Variants in FGF14 observed in about 807,000 individuals in gnomAD.
The protein encoded by FGF14 is fibroblast growth factor homologous factor 4.
Under a neutral mutation model 25.5 loss-of-function variants are expected in FGF14, and 5 were observed. The observed-to-expected ratio is 0.20, with a 90% CI of 0.10 to 0.41. The LOEUF (loss-of-function observed/expected upper bound fraction) is 0.41, where lower values mean the gene tolerates loss of function less well. Among genes scored for constraint, FGF14 ranks in the 10% least tolerant of loss-of-function variants. The probability of loss-of-function intolerance (pLI) is 1.00; values close to 1 mark genes in which losing one functional copy is unlikely to be tolerated. For missense variants in FGF14, 222 were observed against 320.1 expected, an observed-to-expected ratio of 0.69 and a Z score of 2.34; for synonymous variants, 138 against 118.3, an observed-to-expected ratio of 1.17 and a Z score of -1.08.
At chr13:102,289,401 T>A (rs528304616) in intron 1 of FGF14, among the ~76,000 whole-genome samples, 2 of 152,320 alleles carry the variant, frequency 1.3e-5, no homozygotes, top group South Asian at 2.1e-4. Flanking sequence ...GAGCTAAAAT[T>A]AAATATTTTA....
intron 1 of FGF14, among the ~76,000 whole-genome samples, chr13:102,194,094 T>C (rs2049240528): frequency 6.6e-6 from 1 of 152,122 alleles, no homozygotes; most frequent in Non-Finnish European, 1.5e-5. Flanking sequence ...ACTTAACATA[T>C]AAATTATTTA....
intron 1 of FGF14, among the ~76,000 whole-genome samples, chr13:102,093,036 G>A (rs937734921): frequency 5.9e-5 from 9 of 152,204 alleles, no homozygotes; most frequent in African/African-American, 2.2e-4. Flanking sequence ...TGTTGGTGTG[G>A]ACACATATAT....
intron 3 of FGF14, among the ~76,000 whole-genome samples, chr13:101,789,542 G>T (rs1362279673): frequency 6.6e-6 from 1 of 152,060 alleles, no homozygotes; most frequent in Non-Finnish European, 1.5e-5. Context: ...CCATCATAAA[G>T]TTGATTCATG....
intron 1 of FGF14, among the ~76,000 whole-genome samples, chr13:102,169,161 T>C (rs547456756): frequency 9.9e-5 from 15 of 151,636 alleles, no homozygotes; most frequent in Non-Finnish European, 1.8e-4. Context: ...CCTACACTTT[T>C]AAGTCAGCAA....
chr13:101,723,107 T>C (rs1380720199), intron 4 of FGF14, 140 bp from the exon 5 acceptor site: 1 of 982,696 alleles, frequency 1.0e-6, no homozygotes, highest in Non-Finnish European at 1.6e-6. Flanking sequence ...TGAGACAGAA[T>C]TCCTGTTGTA....
intron 1 of FGF14, among the ~76,000 whole-genome samples, chr13:101,946,534 T>G (rs1194374160): frequency 1.3e-5 from 2 of 152,162 alleles, no homozygotes; most frequent in Admixed American, 1.3e-4. Flanking sequence ...ATCCAGTAGT[T>G]CCACTATGTT....
chr13:102,350,061 C>T (rs192749467), intron 1 of FGF14, among the ~76,000 whole-genome samples: 40 of 152,332 alleles, frequency 2.6e-4, no homozygotes, highest in African/African-American at 8.9e-4. Flanking sequence ...TAAAAACACA[C>T]ACTTGTGAAA....
chr13:102,265,247 G>A (rs2052931641), intron 1 of FGF14, among the ~76,000 whole-genome samples: 1 of 151,758 alleles, frequency 6.6e-6, no homozygotes, highest in South Asian at 2.1e-4. Context: ...GCGCTTTCTG[G>A]TATAAACTCC....
chr13:101,851,892 G>T (rs891654537), intron 3 of FGF14, among the ~76,000 whole-genome samples: 2 of 152,032 alleles, frequency 1.3e-5, no homozygotes, highest in Non-Finnish European at 1.5e-5. Context: ...AAGCCCTCTG[G>T]CATTTCAAAT....
At chr13:101,893,710 G>T (rs1229385273) in intron 1 of FGF14, among the ~76,000 whole-genome samples, 4 of 152,180 alleles carry the variant, frequency 2.6e-5, no homozygotes, top group East Asian at 3.9e-4. Context: ...AGAAGGCAAA[G>T]AAATGGATTC....
chr13:102,052,087 G>A (rs988547111), intron 1 of FGF14, among the ~76,000 whole-genome samples: 1 of 152,060 alleles, frequency 6.6e-6, no homozygotes, highest in Non-Finnish European at 1.5e-5. Context: ...CAATTCTGGA[G>A]CTGAAAAATA....
chr13:101,968,835 C>G (rs1252582418), intron 1 of FGF14, among the ~76,000 whole-genome samples: 1 of 148,474 alleles, frequency 6.7e-6, no homozygotes, highest in Non-Finnish European at 1.5e-5. Context: ...GTTCTGTAAT[C>G]ATGCATTCCA....
intron 1 of FGF14, among the ~76,000 whole-genome samples, chr13:102,096,520 T>C (rs1398417188): frequency 1.3e-5 from 2 of 152,172 alleles, no homozygotes; most frequent in Non-Finnish European, 2.9e-5. Flanking sequence ...AAACTTAATA[T>C]GCGCTATGAT....
chr13:101,984,488 T>C (rs1447006908), intron 1 of FGF14, among the ~76,000 whole-genome samples: 1 of 152,166 alleles, frequency 6.6e-6, no homozygotes, highest in African/African-American at 2.4e-5. Context: ...TCTTTGAAAG[T>C]TGTTCATGTA....
chr13:102,297,756 C>T (rs910987645), intron 1 of FGF14, among the ~76,000 whole-genome samples: 3 of 151,370 alleles, frequency 2.0e-5, no homozygotes, highest in African/African-American at 7.3e-5. Context: ...ATTAGCAGGG[C>T]ATGGTGGTGT....
rs142471375 is a variant in FGF14 at position 101,822,800 on chromosome 13, T to C, written c.408+45925A>G. ...AATTATTTTAAGTATAGTCACCATA[T>C]TGTGATACTGAAAACTAGGTCTAAA... is the stretch of plus-strand genomic sequence containing the variant. On this transcript the variant is annotated intron_variant, in intron 3 of 4. Coordinates refer to ENST00000376143, the MANE Select transcript of FGF14 (RefSeq NM_004115.4). Among the ~76,000 whole-genome samples the C allele has an allele frequency of 7.2e-5, 11 of 152,350 alleles. 1 individual carries two copies. Among genetic ancestry groups the C allele is most frequent in the East Asian group, 5.8e-4 (3 of 5,186 alleles).
intron 1 of FGF14, among the ~76,000 whole-genome samples, chr13:102,393,384 G>C (rs991838620): frequency 6.6e-6 from 1 of 152,002 alleles, no homozygotes; most frequent in Non-Finnish European, 1.5e-5. Flanking sequence ...TTTTGAGATT[G>C]TAGTTACTGA....
intron 1 of FGF14, among the ~76,000 whole-genome samples, chr13:102,309,005 C>T (rs2055573286): frequency 6.6e-6 from 1 of 151,194 alleles, no homozygotes. Flanking sequence ...TTTTCCAAGA[C>T]CTGAATAAAA....
chr13:101,916,389 A>G, intron 1 of FGF14, 64 bp downstream of exon 1: 1 of 1,584,436 alleles, frequency 6.3e-7, no homozygotes, highest in Non-Finnish European at 8.7e-7. Flanking sequence ...GAGCCTGGAG[A>G]AGCTCCGTTT....
Sources: gnomAD v4.1 joint callset for allele counts (sites outside exome capture counted in the v4.1 genomes callset) on GRCh38, gnomAD v4.1.1 for gene constraint, MANE v1.5 for transcripts, NCBI Gene and HGNC (gene_info 2026-07-23, HGNC 2026-07-21) for gene names.